Variants in PDE8B observed in about 807,000 individuals in gnomAD.
PDE8B encodes the protein high affinity cAMP-specific and IBMX-insensitive 3',5'-cyclic phosphodiesterase 8B.
In PDE8B, 26 loss-of-function variants were observed where a neutral mutation model predicts 101.3. That is an observed-to-expected ratio of 0.26 (90% confidence interval 0.19 to 0.36). The LOEUF (loss-of-function observed/expected upper bound fraction) is 0.36, where lower values mean the gene tolerates loss of function less well. PDE8B is among the 10% of genes least tolerant of loss of function. PDE8B has a pLI of 1.00. For synonymous variants in PDE8B, 424 were observed against 429.3 expected (o/e 0.99, Z 0.15); for missense variants, 810 against 1,163.1 (o/e 0.70, Z 4.42).
At chr5:77,263,827 A>G (rs1350311283) in intron 1 of PDE8B, among the ~76,000 whole-genome samples, 2 of 152,212 alleles carry the variant, frequency 1.3e-5, no homozygotes, top group Non-Finnish European at 2.9e-5. Flanking sequence ...TTTAAAGCAT[A>G]CAACTTTTAG....
chr5:77,323,109 C>G (rs1775396196), intron 2 of PDE8B, among the ~76,000 whole-genome samples: 1 of 152,218 alleles, frequency 6.6e-6, no homozygotes, highest in Non-Finnish European at 1.5e-5. Context: ...GTTAATACCA[C>G]AGCTACACCA....
chr5:77,425,670 A>G, intron 20 of PDE8B, 97 bp from the exon 21 acceptor site: 1 of 1,260,322 alleles, frequency 7.9e-7, no homozygotes, highest in Non-Finnish European at 1.2e-6. Flanking sequence ...AAAACTGGAT[A>G]ATGACCCATT....
chr5:77,176,901 A>G, the PDE8B span, among the ~76,000 whole-genome samples: 1 of 152,150 alleles, frequency 6.6e-6, no homozygotes. Flanking sequence ...GAGCTTCACT[A>G]TGCGATTTTA....
At chr5:77,230,562 G>A (rs1753365303) in intron 1 of PDE8B, among the ~76,000 whole-genome samples, 1 of 152,136 alleles carries the variant, frequency 6.6e-6, no homozygotes, top group Non-Finnish European at 1.5e-5. Context: ...AGCCTCCGAG[G>A]TTCAAGCGAT....
the PDE8B span, among the ~76,000 whole-genome samples, chr5:77,102,946 C>T: frequency 3.9e-5 from 6 of 152,282 alleles, no homozygotes; most frequent in Non-Finnish European, 7.3e-5. Flanking sequence ...CAGAGTAGGT[C>T]GGGCAGCTTT....
At position 77,377,023 on chromosome 5, in the gene PDE8B, G is replaced by T. The variant is rs116723779; in HGVS notation, c.1168-23225G>T. Reference sequence around the variant, plus strand: ...AAGAACAAGAAACTTTAAACAAAATGAAATTTCTGTCCCTGTTTATATGTA... The same window carrying T: ...AAGAACAAGAAACTTTAAACAAAATTAAATTTCTGTCCCTGTTTATATGTA... On this transcript the variant is annotated intron_variant, in intron 10 of 21. Coordinates refer to ENST00000264917, the MANE Select transcript of PDE8B (RefSeq NM_003719.5). 5.0e-3 allele frequency among the ~76,000 whole-genome samples: 757 copies of T among 152,264 alleles called. 5 individuals carry two copies. The highest frequency in any genetic ancestry group is 0.017 in the African/African-American group (717 of 41,548).
At chr5:77,252,012 T>C (rs1169708246) in intron 1 of PDE8B, among the ~76,000 whole-genome samples, 2 of 152,240 alleles carry the variant, frequency 1.3e-5, no homozygotes, top group African/African-American at 4.8e-5. Flanking sequence ...TTCTGTTGTT[T>C]CTACTGGCTC....
intron 1 of PDE8B, among the ~76,000 whole-genome samples, chr5:77,293,090 T>C (rs1263588546): frequency 3.3e-5 from 5 of 152,214 alleles, no homozygotes; most frequent in African/African-American, 7.2e-5. Context: ...AATATTATTA[T>C]TGAATTATCC....
the PDE8B span, among the ~76,000 whole-genome samples, chr5:77,098,291 T>A: frequency 4.1e-3 from 529 of 129,984 alleles, 8 homozygotes; most frequent in Middle Eastern, 0.034. Context: ...TCTTTTTTTT[T>A]TTAAAAAAAA....
intron 16 of PDE8B, among the ~76,000 whole-genome samples, chr5:77,412,682 C>T (rs1374106702): frequency 6.6e-6 from 1 of 152,086 alleles, no homozygotes; most frequent in Non-Finnish European, 1.5e-5. Flanking sequence ...AAGATTCTCA[C>T]CTGTAACGTA....
At chr5:77,199,672 G>A in the PDE8B span, among the ~76,000 whole-genome samples, 1 of 152,124 alleles carries the variant, frequency 6.6e-6, no homozygotes, top group South Asian at 2.1e-4. Flanking sequence ...TCATGCTCAG[G>A]AGAAAGCAAG....
chr5:77,087,161 GAT>G, the PDE8B span: 2 of 152,488 alleles, frequency 1.3e-5, no homozygotes, highest in African/African-American at 4.8e-5. Context: ...GGGAGTCCGA[GAT>G]GGTAGATCCC....
At chr5:77,276,079 T>A (rs906105233) in intron 1 of PDE8B, among the ~76,000 whole-genome samples, 3 of 152,260 alleles carry the variant, frequency 2.0e-5, no homozygotes, top group African/African-American at 7.2e-5. Flanking sequence ...AACCTCTATG[T>A]CATTTGTTTG....
chr5:77,382,351 C>T (rs2359874), intron 10 of PDE8B, among the ~76,000 whole-genome samples: 86,848 of 152,024 alleles, frequency 0.57, 25,251 homozygotes, highest in South Asian at 0.76. Flanking sequence ...TAGAGTTTAA[C>T]ATTTGTTTTC....
the PDE8B span, among the ~76,000 whole-genome samples, chr5:77,136,538 T>A: frequency 2.0e-5 from 3 of 152,218 alleles, no homozygotes; most frequent in Admixed American, 2.0e-4. Context: ...CTTGGAAATT[T>A]TGAGTCTGGG....
At chr5:77,271,849 C>T (rs1380126686) in intron 1 of PDE8B, among the ~76,000 whole-genome samples, 2 of 152,172 alleles carry the variant, frequency 1.3e-5, no homozygotes, top group Non-Finnish European at 2.9e-5. Context: ...AAAACCGAGG[C>T]TTATAACAGG....
chr5:77,210,543 G>A, upstream of PDE8B: 3 of 851,602 alleles, frequency 3.5e-6, no homozygotes, highest in Non-Finnish European at 2.8e-6. The surrounding 1 kb of genome is among the most constrained non-coding windows in gnomAD (Gnocchi z 4.9). Context: ...CAGGGCCGCG[G>A]GTGCGGGAGC....
chr5:77,108,672 G>C, the PDE8B span, among the ~76,000 whole-genome samples: 1 of 152,206 alleles, frequency 6.6e-6, no homozygotes, highest in South Asian at 2.1e-4. Context: ...GACAAAGCGA[G>C]ACTCTGTCTC....
At chr5:77,418,902 A>C (rs572128222) in intron 18 of PDE8B, among the ~76,000 whole-genome samples, 1 of 152,082 alleles carries the variant, frequency 6.6e-6, no homozygotes, top group East Asian at 1.9e-4. Flanking sequence ...AGTGGGTTAG[A>C]TGTGAGCAGG....
Sources: gnomAD v4.1 joint callset for allele counts (sites outside exome capture counted in the v4.1 genomes callset) on GRCh38, gnomAD v4.1.1 for gene constraint, Gnocchi (gnomAD v3.1) non-coding constraint, MANE v1.5 for transcripts, NCBI Gene and HGNC (gene_info 2026-07-23, HGNC 2026-07-21) for gene names.